AK7: variants seen among roughly 807,000 people sequenced by gnomAD.
AK7 encodes ATP-AMP transphosphorylase 7.
AK7 carries 78 observed loss-of-function variants against 96.6 expected under a neutral mutation model. The ratio of observed to expected loss-of-function variants is 0.81; its 90% CI spans 0.67 to 0.97. The LOEUF is 0.97. Ranked by LOEUF, AK7 falls within the 50% of genes least tolerant of loss-of-function variation. The pLI, the probability that AK7 is intolerant of heterozygous loss-of-function variation, is 0.00. For missense variants in AK7, 855 were observed against 887.9 expected (o/e 0.96, Z 0.47); for synonymous variants, 302 against 317.2 (o/e 0.95, Z 0.51).
chr14:96,392,446 G>T (rs1159130019), intron 1 of AK7, among the ~76,000 whole-genome samples, 187 bp downstream of exon 1: 3 of 152,232 alleles, frequency 2.0e-5, no homozygotes, highest in Non-Finnish European at 4.4e-5. Context: ...CTGGTCAAGA[G>T]ATTCTACATG....
At chr14:96,438,209 T>C (rs74086487) in intron 6 of AK7, among the ~76,000 whole-genome samples, 10,654 of 152,164 alleles carry the variant, frequency 0.07, 1,294 homozygotes, top group African/African-American at 0.24. Context: ...TACAGTAAAA[T>C]AATAAAGTCC....
rs1201041306 is a variant in AK7, at chr14:96,449,800, A to G, written c.871-2A>G. 3.7e-6 allele frequency: 6 copies of G among 1,605,594 alleles called. No homozygotes were observed. The Admixed American group carries it at 6.7e-5, about 18-fold the overall frequency. ...ACTAATATTTCGATTTTCCTCTAAC[A>G]GTGTATCAGTAAAAATACTGGCCCT... On this transcript the variant is annotated splice_acceptor_variant, in intron 8 of 17. Coordinates refer to ENST00000267584, the MANE Select transcript of AK7 (RefSeq NM_152327.5). LOFTEE classifies it high-confidence loss of function.
chr14:96,487,371 G>C (rs1895830177), intron 17 of AK7, among the ~76,000 whole-genome samples: 1 of 109,500 alleles, frequency 9.1e-6, no homozygotes, highest in Non-Finnish European at 1.8e-5. Flanking sequence ...ACGACAGAGT[G>C]AGACTCCGTC....
At chr14:96,402,718 G>A (rs1222530051) in intron 2 of AK7, among the ~76,000 whole-genome samples, 1 of 152,116 alleles carries the variant, frequency 6.6e-6, no homozygotes, top group Non-Finnish European at 1.5e-5. Context: ...AATGGCTGGT[G>A]GTATGGGTCG....
intron 10 of AK7, among the ~76,000 whole-genome samples, chr14:96,455,068 A>G (rs913002668): frequency 1.3e-4 from 20 of 152,048 alleles, no homozygotes; most frequent in African/African-American, 4.6e-4. Context: ...TCAGGAGGCT[A>G]AGGCAGGAGA....
chr14:96,409,876 CAATT>C (rs1890936816), intron 4 of AK7, among the ~76,000 whole-genome samples: 1 of 152,164 alleles, frequency 6.6e-6, no homozygotes, highest in Non-Finnish European at 1.5e-5. Context: ...TTTTAAAAGG[CAATT>C]AAATCAACGC....
At chr14:96,424,552 G>C (rs956322179) in intron 5 of AK7, among the ~76,000 whole-genome samples, 1 of 152,088 alleles carries the variant, frequency 6.6e-6, no homozygotes, top group South Asian at 2.1e-4. Flanking sequence ...TGGAAGACCA[G>C]CGCTAAGTGA....
chr14:96,474,339 G>A (rs1379475034), intron 14 of AK7, among the ~76,000 whole-genome samples: 2 of 151,152 alleles, frequency 1.3e-5, no homozygotes, highest in African/African-American at 4.9e-5. Flanking sequence ...TGATTGGCCA[G>A]ACACAGTGCC....
At chr14:96,416,600 T>C (rs887833897) in intron 4 of AK7, among the ~76,000 whole-genome samples, 2 of 151,966 alleles carry the variant, frequency 1.3e-5, no homozygotes, top group South Asian at 2.1e-4. Context: ...ATATATAATA[T>C]AACAATGAAA....
In AK7 at chr14:96,408,941, C is replaced by A; in HGVS notation, c.498C>A (p.Pro166=). The A allele has an allele frequency of 6.2e-7, 1 of 1,613,838 alleles. No homozygotes were observed. The highest frequency in any genetic ancestry group is 8.5e-7 in the Non-Finnish European group (1 of 1,179,774). The part of the protein sequence containing the change: ...MTWARSKALD[P]EDSEVPFTEE... ...GGGCGCGCTCCAAAGCCCTGGACCC[C>A]GTAAGTAGAGCGTTAGCTTTCCTTT... The change falls in exon 4 of 18, where the codon CCC becomes CCA. Residue 166 remains proline, a splice_region_variant and synonymous_variant. Coordinates refer to ENST00000267584, the MANE Select transcript of AK7 (RefSeq NM_152327.5).
chr14:96,472,950 CGTGT>C (rs1894978632), intron 14 of AK7, among the ~76,000 whole-genome samples, 195 bp downstream of exon 14: 1 of 151,932 alleles, frequency 6.6e-6, no homozygotes. Context: ...GGTGTCGTAG[CGTGT>C]GCCTGTAGTC....
At chr14:96,476,980 A>G (rs1387769853) in intron 14 of AK7, among the ~76,000 whole-genome samples, 3 of 152,242 alleles carry the variant, frequency 2.0e-5, no homozygotes, top group Non-Finnish European at 4.4e-5. Context: ...GCTTAAATGG[A>G]TTCAATTTTC....
At chr14:96,441,328 A>C (rs1229697584) in intron 6 of AK7, among the ~76,000 whole-genome samples, 2 of 151,504 alleles carry the variant, frequency 1.3e-5, no homozygotes, top group African/African-American at 2.4e-5. Context: ...AGATAATTTC[A>C]TAGTGGGCAA....
Position 96,398,251 on chromosome 14 carries a change from G to A in AK7, c.282G>A (p.Val94=). The A allele has an allele frequency of 6.2e-7, 1 of 1,613,028 alleles. No individual in the cohort carries two copies. The highest frequency in any genetic ancestry group is 8.5e-7 in the Non-Finnish European group (1 of 1,179,950). The part of the protein sequence containing the change: ...KPDSPRPDFA[V]ETYSAISRED... ...ACAGCCCGCGGCCTGACTTTGCGGTGGAGACGTACTCTGTAAGTCCCGGAG... is the reference window on the plus strand; with the variant it reads ...ACAGCCCGCGGCCTGACTTTGCGGTAGAGACGTACTCTGTAAGTCCCGGAG... The change falls in exon 2 of 18, where the codon GTG becomes GTA. Residue 94 remains valine (V), a synonymous_variant. Transcript: ENST00000267584.
chr14:96,414,803 A>G (rs1449674667), intron 4 of AK7, among the ~76,000 whole-genome samples: 1 of 131,488 alleles, frequency 7.6e-6, no homozygotes, highest in African/African-American at 2.9e-5. Flanking sequence ...GCTGGAGTGC[A>G]GTGGTGCAAC....
intron 12 of AK7, among the ~76,000 whole-genome samples, chr14:96,467,734 T>C (rs539583203): frequency 6.6e-6 from 1 of 152,314 alleles, no homozygotes; most frequent in Admixed American, 6.5e-5. Flanking sequence ...GATGAGAATG[T>C]AGATTTTTAA....
intron 5 of AK7, among the ~76,000 whole-genome samples, chr14:96,429,315 G>C (rs1595402002): frequency 6.6e-6 from 1 of 152,198 alleles, no homozygotes; most frequent in East Asian, 1.9e-4. Context: ...TGTTCCATTG[G>C]TCTATATATC....
intron 16 of AK7, among the ~76,000 whole-genome samples, chr14:96,486,031 G>A (rs1895753416): frequency 6.6e-6 from 1 of 152,064 alleles, no homozygotes; most frequent in Non-Finnish European, 1.5e-5. Context: ...TGATCCACCC[G>A]CCTCGGCCTC....
intron 16 of AK7, 115 bp downstream of exon 16, chr14:96,483,334 A>G (rs1284491138): frequency 5.8e-6 from 6 of 1,035,724 alleles, no homozygotes; most frequent in Non-Finnish European, 8.3e-6. Flanking sequence ...ATGTCATGGA[A>G]ATACCCTAAA....
Sources: gnomAD v4.1 joint callset for allele counts (sites outside exome capture counted in the v4.1 genomes callset) on GRCh38, gnomAD v4.1.1 for gene constraint, MANE v1.5 for transcripts, NCBI Gene and HGNC (gene_info 2026-07-23, HGNC 2026-07-21) for gene names.